The following PRKN variants were observed in gnomAD, a reference collection of about 807,000 sequenced individuals.
PRKN encodes E3 ubiquitin-protein ligase parkin.
In PRKN, 56 loss-of-function variants were observed where a neutral mutation model predicts 59.5. The ratio of observed to expected loss-of-function variants is 0.94; its 90% CI spans 0.76 to 1.18. The LOEUF is 1.18. Among genes scored for constraint, PRKN ranks in the 50% most tolerant of loss-of-function variants. The pLI is 0.00. For synonymous variants in PRKN, 250 were observed against 222.1 expected (o/e 1.13, Z -1.12); for missense variants, 657 against 596.4 (o/e 1.10, Z -1.06).
chr6:162,102,746 C>T lies in PRKN; in HGVS notation c.535-48572G>A, dbSNP rs557286833. On this transcript the variant is annotated intron_variant, in intron 4 of 11. Coordinates refer to ENST00000366898, the MANE Select transcript of PRKN (RefSeq NM_004562.3). ...CACTGCTGATGAAGAACACACAGGG[C>T]AGAAATACATAACTTGCCCGGGCGC... Among the ~76,000 whole-genome samples the T allele has an allele frequency of 2.9e-4, 42 of 145,252 alleles. No homozygotes were observed. The South Asian group carries it at 8.5e-3, about 29-fold the overall frequency.
intron 1 of PRKN, among the ~76,000 whole-genome samples, chr6:162,589,475 T>G (rs1781211448): frequency 6.6e-6 from 1 of 152,246 alleles, no homozygotes; most frequent in Non-Finnish European, 1.5e-5. Context: ...AGTGACTGTA[T>G]GTTTAAACAG....
chr6:162,556,344 TGTGTGTGTGTGTGTGTGTGTGTGTGTGTG>T (rs531889921), intron 1 of PRKN, among the ~76,000 whole-genome samples: 24,292 of 87,314 alleles, frequency 0.28, 2,590 homozygotes, highest in East Asian at 0.51. Context: ...ACTCAGCTGG[TGTGTGTGTGTGTGTGTGTGTGTGTGTGTG>T]TGTGTGTGTG....
chr6:161,556,798 T>A (rs1244622245), intron 8 of PRKN, among the ~76,000 whole-genome samples: 1 of 152,202 alleles, frequency 6.6e-6, no homozygotes. Flanking sequence ...GAACTGGGTT[T>A]ATATAGAGTC....
At chr6:162,011,121 T>TA (rs1158362857) in intron 5 of PRKN, among the ~76,000 whole-genome samples, 2 of 3,020 alleles carry the variant, frequency 6.6e-4, no homozygotes, top group African/African-American at 2.8e-3. Flanking sequence ...ATATAATATA[T>TA]TTATAATATA....
chr6:161,629,708 C>T (rs12213314), intron 7 of PRKN, among the ~76,000 whole-genome samples: 49,900 of 152,000 alleles, frequency 0.33, 8,590 homozygotes, highest in Middle Eastern at 0.5. Context: ...TGCCTGCCTC[C>T]TTCCCCACCC....
intron 4 of PRKN, among the ~76,000 whole-genome samples, chr6:162,064,063 G>T (rs1040217778): frequency 6.6e-6 from 1 of 152,188 alleles, no homozygotes; most frequent in Non-Finnish European, 1.5e-5. Flanking sequence ...GTCTCACATA[G>T]TGGCAGACTC....
chr6:162,663,007 G>T (rs1778951321), intron 1 of PRKN, among the ~76,000 whole-genome samples: 2 of 152,266 alleles, frequency 1.3e-5, no homozygotes, highest in African/African-American at 4.8e-5. Context: ...GCAGGGGGAA[G>T]CATCTTGCAC....
At chr6:162,610,712 C>T (rs1451263941) in intron 1 of PRKN, among the ~76,000 whole-genome samples, 1 of 152,070 alleles carries the variant, frequency 6.6e-6, no homozygotes, top group Non-Finnish European at 1.5e-5. Flanking sequence ...GATTATATTG[C>T]TATCTAGATT....
In PRKN at chr6:161,680,754, TATATATATATA is replaced by T. The variant is rs1395142343; in HGVS notation, c.871+105007_871+105017del. 3.3e-3 allele frequency among the ~76,000 whole-genome samples: 78 copies of T among 23,322 alleles called. 3 individuals are homozygous for T. Among genetic ancestry groups the T allele is most frequent in the African/African-American group, 9.9e-3 (77 of 7,802 alleles). 15.3% of individuals were successfully genotyped at this position (23,322 alleles called of 152,430 possible). ...ATATATATATATATATATATATATATATATATATATATATATATATATTTTTTTTTTTTTTT... is the reference window on the plus strand; with the variant it reads ...ATATATATATATATATATATATATATTATATATATATTTTTTTTTTTTTTT... On this transcript the variant is annotated intron_variant, in intron 7 of 11. Transcript: ENST00000366898.
At chr6:162,046,818 T>C (rs993405192) in intron 5 of PRKN, among the ~76,000 whole-genome samples, 3 of 152,070 alleles carry the variant, frequency 2.0e-5, no homozygotes, top group Non-Finnish European at 4.4e-5. Context: ...TGCGTTTTCA[T>C]ATACAAACGA....
intron 2 of PRKN, among the ~76,000 whole-genome samples, chr6:162,299,763 C>G (rs1781859218): frequency 6.6e-6 from 1 of 151,930 alleles, no homozygotes; most frequent in Non-Finnish European, 1.5e-5. Flanking sequence ...AGGAATTCTT[C>G]CTACCTACCA....
At chr6:162,439,971 C>T (rs866229431) in intron 2 of PRKN, among the ~76,000 whole-genome samples, 1 of 152,100 alleles carries the variant, frequency 6.6e-6, no homozygotes, top group Admixed American at 6.5e-5. Flanking sequence ...GTTGGCACCC[C>T]TAACTCCATG....
chr6:162,596,397 A>AT, intron 1 of PRKN, among the ~76,000 whole-genome samples: 1 of 152,342 alleles, frequency 6.6e-6, no homozygotes, highest in South Asian at 2.1e-4. Context: ...AGTGAAAGGA[A>AT]TAATTGTTAC....
At chr6:162,196,754 T>A (rs1477756920) in intron 4 of PRKN, among the ~76,000 whole-genome samples, 1 of 152,196 alleles carries the variant, frequency 6.6e-6, no homozygotes, top group Non-Finnish European at 1.5e-5. Context: ...TCCTTTACAA[T>A]TTGTTAGAGT....
At chr6:161,815,948 T>G (rs1791761488) in intron 6 of PRKN, among the ~76,000 whole-genome samples, 1 of 152,208 alleles carries the variant, frequency 6.6e-6, no homozygotes, top group Admixed American at 6.5e-5. Flanking sequence ...TGGCAATTTC[T>G]TAAAAAGGTG....
intron 6 of PRKN, among the ~76,000 whole-genome samples, chr6:161,889,563 C>CA (rs1474891533): frequency 6.6e-6 from 1 of 152,144 alleles, no homozygotes; most frequent in Non-Finnish European, 1.5e-5. Context: ...GAGGCCAGGT[C>CA]AGGTGGTGCT....
intron 6 of PRKN, among the ~76,000 whole-genome samples, chr6:161,819,570 T>G (rs1167487652): frequency 6.6e-6 from 1 of 152,198 alleles, no homozygotes; most frequent in Non-Finnish European, 1.5e-5. Flanking sequence ...AAATGTTTCT[T>G]GTATCTCTAT....
At position 161,599,846 on chromosome 6, in the gene PRKN, T is replaced by G. The variant is rs539454399; in HGVS notation, c.872-30430A>C. Among the ~76,000 whole-genome samples, 5 of 152,320 alleles carry G rather than the reference T, an allele frequency of 3.3e-5. No individual in the cohort carries two copies. The East Asian group carries it at 9.6e-4, about 29-fold the overall frequency. On this transcript the variant is annotated intron_variant, in intron 7 of 11. Coordinates refer to ENST00000366898, the MANE Select transcript of PRKN (RefSeq NM_004562.3). The stretch of plus-strand genomic sequence containing the variant: ...TAAAAATTGGGCTTTCGTTTATTTT[T>G]GGAAAGAAAACAATCAAATGTTGAT...
In PRKN at chr6:161,716,064, GC is replaced by G. The variant is rs749246321; in HGVS notation, c.871+69707del. The stretch of plus-strand genomic sequence containing the variant: ...CGACACAGCCACCATGCTGTGCTGG[GC>G]CCATCTTACCGACTCCTCTCCTGAA... On this transcript the variant is annotated intron_variant, in intron 7 of 11. Transcript: ENST00000366898. 2.3e-6 allele frequency: 3 copies of G among 1,300,750 alleles called. No homozygotes were observed. The African/African-American group carries it at 6.0e-5, about 26-fold the overall frequency. The allele number at this position is 1,300,750 out of a possible 1,614,324, so 80.6% of individuals were successfully genotyped here.
Sources: gnomAD v4.1 joint callset for allele counts (sites outside exome capture counted in the v4.1 genomes callset) on GRCh38, gnomAD v4.1.1 for gene constraint, MANE v1.5 for transcripts, NCBI Gene and HGNC (gene_info 2026-07-23, HGNC 2026-07-21) for gene names.